LPCAT3: variants seen among roughly 807,000 people sequenced by gnomAD.
The protein encoded by LPCAT3 is lysophospholipid acyltransferase 5.
Under a neutral mutation model 63.4 loss-of-function variants are expected in LPCAT3, and 21 were observed. The ratio of observed to expected loss-of-function variants is 0.33; its 90% confidence interval spans 0.23 to 0.48. LPCAT3 has a LOEUF of 0.48. Among genes scored for constraint, LPCAT3 ranks in the 20% least tolerant of loss-of-function variants. The pLI is 0.99. For synonymous variants in LPCAT3, 242 were observed against 227.5 expected (o/e 1.06, Z -0.58); for missense variants, 451 against 590.6 (o/e 0.76, Z 2.45).
rs995747835 is a variant in LPCAT3 at position 6,983,512 on chromosome 12, T to C, written c.179A>G (p.His60Arg). Residue 60 changes from histidine (H) to arginine (R), a missense_variant, in exon 2 of 13, where the codon CAT becomes CGT. Physicochemically the swap from His to Arg is conservative, Grantham distance 29 (BLOSUM62 0). Around this residue, in one of 3 missense-constraint regions of LPCAT3, gnomAD observed 133 missense variants for 152.1 expected, o/e 0.87. Coordinates refer to ENST00000261407, the MANE Select transcript of LPCAT3 (RefSeq NM_005768.6). ...LGYPFALFYR[H>R]YLFYKETYLI... ...GTAGGTCTCCTTGTAGAAAAGGTAA[T>C]GCCGATAAAACAAAGCAAAGGGGTA... 1.1e-5 allele frequency: 18 copies of C among 1,611,972 alleles called. No homozygotes were observed. Among genetic ancestry groups the C allele is most frequent in the East Asian group, 2.2e-5 (1 of 44,868 alleles).
At position 6,987,721 on chromosome 12, in the gene LPCAT3, T is replaced by TA; in HGVS notation, c.152-4183dup. The TA allele has an allele frequency of 2.5e-6, 1 of 400,164 alleles. No homozygotes were observed. The allele number at this position is 400,164 out of a possible 1,614,324, so 24.8% of individuals were successfully genotyped here. A position where few individuals can be genotyped will look rare whatever the true frequency, so the allele number is the denominator to read the frequency against. ...CTTAACCATTTGGAATGCTCGAAAT[T>TA]AAAAAACACCACACATATTACTCTG... is the stretch of plus-strand genomic sequence containing the variant. On this transcript the variant is annotated intron_variant, in intron 1 of 12. Transcript: ENST00000261407. This position sits in a 1 kb window ranked among gnomAD's most constrained non-coding sequence, Gnocchi z 4.1.
intron 1 of LPCAT3, among the ~76,000 whole-genome samples, chr12:6,986,275 TGAG>T (rs1450983955): frequency 4.6e-5 from 7 of 152,282 alleles, no homozygotes; most frequent in African/African-American, 1.4e-4. Context: ...CTGAAGATCA[TGAG>T]GAGGAAGACC....
intron 1 of LPCAT3, among the ~76,000 whole-genome samples, chr12:6,986,731 A>G (rs983888735): frequency 5.4e-5 from 8 of 148,126 alleles, no homozygotes; most frequent in Non-Finnish European, 1.2e-4. Context: ...TGCAGTGAGC[A>G]GAGATTGCAG....
chr12:7,001,248 G>A (rs782417533), intron 1 of LPCAT3, among the ~76,000 whole-genome samples: 29 of 151,928 alleles, frequency 1.9e-4, no homozygotes, highest in Non-Finnish European at 7.4e-5. Flanking sequence ...TGGGGGGTGG[G>A]GTGGGGGCGG....
intron 1 of LPCAT3, among the ~76,000 whole-genome samples, chr12:7,008,527 C>T (rs1946741644): frequency 6.6e-6 from 1 of 152,106 alleles, no homozygotes; most frequent in East Asian, 1.9e-4. Flanking sequence ...CAGGAGAATG[C>T]TATATTGCTT....
intron 1 of LPCAT3, among the ~76,000 whole-genome samples, chr12:6,992,507 G>A (rs1419620311): frequency 6.6e-6 from 1 of 152,194 alleles, no homozygotes; most frequent in African/African-American, 2.4e-5. Flanking sequence ...ATCAGTGCAA[G>A]TGTCAACATA....
intron 1 of LPCAT3, among the ~76,000 whole-genome samples, chr12:7,000,064 C>T (rs1555156388): frequency 4.6e-5 from 7 of 151,556 alleles, no homozygotes; most frequent in East Asian, 3.9e-4. Flanking sequence ...GGACTACAGG[C>T]GTGTGCCACC....
chr12:7,012,876 G>GAGTCTTTTT (rs1357725247), intron 1 of LPCAT3, among the ~76,000 whole-genome samples: 3 of 152,310 alleles, frequency 2.0e-5, no homozygotes, highest in African/African-American at 7.2e-5. Context: ...CAGGAGGATG[G>GAGTCTTTTT]AGTCTTTTTA....
intron 2 of LPCAT3, 177 bp downstream of exon 2, chr12:6,983,255 T>C (rs781977381): frequency 3.7e-5 from 21 of 562,206 alleles, no homozygotes; most frequent in Non-Finnish European, 6.7e-5. Flanking sequence ...GACAGAAGAA[T>C]GTACATAAAA....
In LPCAT3 at chr12:6,980,132, TG is replaced by T. The variant is rs111897902; in HGVS notation, c.678-554del. Among the ~76,000 whole-genome samples, 350 of 151,998 alleles carry T rather than the reference TG, an allele frequency of 2.3e-3. 3 individuals are homozygous for T. The highest frequency in any genetic ancestry group is 7.9e-3 in the African/African-American group (328 of 41,418). On this transcript the variant is annotated intron_variant, in intron 6 of 12. Transcript: ENST00000261407. ...GCATAGTCATTGCTCGCTGTGGCCT[TG>T]AACTCCTGGGCTCAAGCGATCCCCT...
At chr12:7,016,527 T>G (rs1322680635) in intron 1 of LPCAT3, among the ~76,000 whole-genome samples, 1 of 152,142 alleles carries the variant, frequency 6.6e-6, no homozygotes, top group Non-Finnish European at 1.5e-5. Flanking sequence ...TCTGCCCACC[T>G]TGGCCTCCCA....
intron 1 of LPCAT3, among the ~76,000 whole-genome samples, chr12:7,005,747 C>G (rs1946721411): frequency 6.6e-6 from 1 of 152,150 alleles, no homozygotes; most frequent in African/African-American, 2.4e-5. Context: ...AGAGAACTGT[C>G]TATTCATATC....
In LPCAT3 at chr12:6,987,793, G is replaced by T; in HGVS notation, c.152-4254C>A. 1 of 400,684 alleles carries T rather than the reference G, an allele frequency of 2.5e-6. No homozygotes were observed. Among genetic ancestry groups the T allele is most frequent in the Non-Finnish European group, 4.4e-6 (1 of 226,226 alleles). The allele number at this position is 400,684 out of a possible 1,614,324, so 24.8% of individuals were successfully genotyped here. A position where few individuals can be genotyped will look rare whatever the true frequency, so the allele number is the denominator to read the frequency against. On this transcript the variant is annotated intron_variant, in intron 1 of 12. Coordinates refer to ENST00000261407, the MANE Select transcript of LPCAT3 (RefSeq NM_005768.6). The surrounding 1 kb of genome is among the most constrained non-coding windows in gnomAD (Gnocchi z 4.1). ...TTAACATTTTCTAGGTGTCTGGATCGTATCTATTCCAGAGTAAAGTCATGA... is the reference window on the plus strand; with the variant it reads ...TTAACATTTTCTAGGTGTCTGGATCTTATCTATTCCAGAGTAAAGTCATGA...
At chr12:7,009,168 T>C (rs1195077267) in intron 1 of LPCAT3, among the ~76,000 whole-genome samples, 1 of 152,186 alleles carries the variant, frequency 6.6e-6, no homozygotes, top group Non-Finnish European at 1.5e-5. Flanking sequence ...TTCCAGCGAT[T>C]ATCCTGTCTC....
chr12:6,994,483 C>T (rs1300995459), intron 1 of LPCAT3, among the ~76,000 whole-genome samples: 1 of 152,032 alleles, frequency 6.6e-6, no homozygotes, highest in Non-Finnish European at 1.5e-5. Flanking sequence ...GCTGGGATTA[C>T]AGGCGTGAGC....
chr12:6,999,691 T>G (rs1269157540), intron 1 of LPCAT3, among the ~76,000 whole-genome samples: 3 of 152,184 alleles, frequency 2.0e-5, no homozygotes, highest in Admixed American at 2.0e-4. Context: ...TTCTTTGTTT[T>G]AGTAGAACAG....
At chr12:6,990,395 G>C (rs1432059586) in intron 1 of LPCAT3, among the ~76,000 whole-genome samples, 2 of 149,930 alleles carry the variant, frequency 1.3e-5, no homozygotes, top group East Asian at 2.0e-4. Context: ...TGTAGCCCCA[G>C]CTACTCGGGA....
chr12:7,007,171 G>A (rs1466997881), intron 1 of LPCAT3, among the ~76,000 whole-genome samples: 6 of 151,654 alleles, frequency 4.0e-5, no homozygotes, highest in African/African-American at 4.8e-5. Context: ...AGCCTCCCAA[G>A]TTGCTGGGAT....
intron 1 of LPCAT3, among the ~76,000 whole-genome samples, chr12:6,992,834 C>T (rs1245246361): frequency 1.3e-5 from 2 of 152,206 alleles, no homozygotes; most frequent in South Asian, 4.1e-4. Context: ...CACAGATGCT[C>T]AAGTCCCTTA....
Sources: gnomAD v4.1 joint callset for allele counts (sites outside exome capture counted in the v4.1 genomes callset) on GRCh38, gnomAD v4.1.1 for gene constraint, gnomAD v4.1.1 regional missense constraint, Gnocchi (gnomAD v3.1) non-coding constraint, MANE v1.5 for transcripts, NCBI Gene and HGNC (gene_info 2026-07-23, HGNC 2026-07-21) for gene names.